Variants in PDE10A observed in about 807,000 individuals in gnomAD.
PDE10A encodes the protein cAMP and cAMP-inhibited cGMP 3',5'-cyclic phosphodiesterase 10A.
Under a neutral mutation model 97.7 loss-of-function variants are expected in PDE10A, and 39 were observed. The ratio of observed to expected loss-of-function variants is 0.40; its 90% confidence interval spans 0.31 to 0.52. The LOEUF (loss-of-function observed/expected upper bound fraction) is 0.52. Ranked by LOEUF, PDE10A falls within the 20% of genes least tolerant of loss-of-function variation. The pLI, the probability that PDE10A is intolerant of heterozygous loss-of-function variation, is 0.56. For synonymous variants in PDE10A, 371 were observed against 376.8 expected, an observed-to-expected ratio of 0.98 and a Z score of 0.18; for missense variants, 731 against 1,047.8, an observed-to-expected ratio of 0.70 and a Z score of 4.17.
At chr6:165,787,201 T>TAAAC (rs1282499055) in intron 1 of PDE10A, among the ~76,000 whole-genome samples, 1 of 152,080 alleles carries the variant, frequency 6.6e-6, no homozygotes, top group Non-Finnish European at 1.5e-5. Context: ...AAGTTACTGA[T>TAAAC]AAACAGCCAT....
At chr6:165,430,567 CATT>C (rs1302867920) in intron 8 of PDE10A, among the ~76,000 whole-genome samples, 2 of 151,988 alleles carry the variant, frequency 1.3e-5, no homozygotes, top group African/African-American at 4.8e-5. Context: ...CACCACAAAA[CATT>C]ATAGGTTTGG....
chr6:165,439,242 A>C (rs577433534), intron 5 of PDE10A, among the ~76,000 whole-genome samples: 1 of 152,192 alleles, frequency 6.6e-6, no homozygotes, highest in East Asian at 1.9e-4. Flanking sequence ...TATGTTTACA[A>C]TATCAAATTT....
chr6:165,386,412 C>T (rs1785304877), intron 17 of PDE10A, among the ~76,000 whole-genome samples: 1 of 152,152 alleles, frequency 6.6e-6, no homozygotes, highest in South Asian at 2.1e-4. Flanking sequence ...TATTAAAATT[C>T]AGCTGTGATT....
At chr6:165,735,496 G>A (rs768883348) in intron 1 of PDE10A, among the ~76,000 whole-genome samples, 3 of 152,048 alleles carry the variant, frequency 2.0e-5, no homozygotes, top group Admixed American at 6.6e-5. Flanking sequence ...GTAGATGAAG[G>A]TATTTATTAT....
At chr6:165,752,899 A>T (rs1230527407) in intron 1 of PDE10A, among the ~76,000 whole-genome samples, 21 of 152,234 alleles carry the variant, frequency 1.4e-4, no homozygotes, top group Non-Finnish European at 1.5e-5. Flanking sequence ...CGACGTATGA[A>T]TTACATTTAC....
At position 165,609,727 on chromosome 6, in the gene PDE10A, G is replaced by A. The variant is rs546437619; in HGVS notation, c.865+52220C>T. 1.2e-3 allele frequency among the ~76,000 whole-genome samples: 184 copies of A among 152,190 alleles called. 1 individual carries two copies. The highest frequency in any genetic ancestry group is 4.2e-3 in the African/African-American group (175 of 41,526). ...TATACACCAATAACAGACAAACAGA[G>A]AGCCAAATCATGAGTGAACTCCCAT... On this transcript the variant is annotated intron_variant, in intron 1 of 21. Transcript: ENST00000539869.
At chr6:165,857,698 CGTGTGTGTGT>C (rs775208021) in intron 1 of PDE10A, among the ~76,000 whole-genome samples, 36 of 123,446 alleles carry the variant, frequency 2.9e-4, no homozygotes, top group Non-Finnish European at 4.6e-4. Context: ...TCAACAGTTC[CGTGTGTGTGT>C]GTGTGTGTGT....
intron 1 of PDE10A, among the ~76,000 whole-genome samples, chr6:165,689,713 G>C (rs758648842): frequency 4.6e-5 from 7 of 152,164 alleles, no homozygotes; most frequent in Non-Finnish European, 8.8e-5. Flanking sequence ...CTGGTGCCAG[G>C]CTTCTTGTAC....
At chr6:165,407,177 T>A (rs1787253691) in intron 13 of PDE10A, among the ~76,000 whole-genome samples, 1 of 152,076 alleles carries the variant, frequency 6.6e-6, no homozygotes, top group Admixed American at 6.5e-5. Flanking sequence ...TGCACCCTAA[T>A]CCATATTTTA....
chr6:165,856,321 CCT>C (rs1470726596), intron 1 of PDE10A, among the ~76,000 whole-genome samples: 1 of 152,216 alleles, frequency 6.6e-6, no homozygotes, highest in Non-Finnish European at 1.5e-5. Flanking sequence ...CGCACCACCC[CCT>C]GCCTGACTCT....
At chr6:165,648,525 C>T (rs1209999742) in intron 1 of PDE10A, among the ~76,000 whole-genome samples, 1 of 152,118 alleles carries the variant, frequency 6.6e-6, no homozygotes, top group Non-Finnish European at 1.5e-5. Flanking sequence ...GTTTAGGTCA[C>T]CCCCAAACCT....
At chr6:165,801,060 A>G (rs1379542008) in intron 1 of PDE10A, among the ~76,000 whole-genome samples, 1 of 152,208 alleles carries the variant, frequency 6.6e-6, no homozygotes, top group Non-Finnish European at 1.5e-5. Flanking sequence ...CTTATAAACT[A>G]CTTGGGATCA....
intron 1 of PDE10A, among the ~76,000 whole-genome samples, chr6:165,691,591 G>GCACACACA (rs965998795): frequency 0.013 from 651 of 51,654 alleles, 4 homozygotes; most frequent in East Asian, 0.043. Context: ...GCACGCGCGC[G>GCACACACA]CACACACACA....
intron 1 of PDE10A, among the ~76,000 whole-genome samples, chr6:165,583,005 G>A (rs1050527914): frequency 5.9e-5 from 9 of 152,086 alleles, no homozygotes; most frequent in African/African-American, 2.2e-4. Context: ...CCAAGTACCG[G>A]CCTCCACAGC....
At chr6:165,772,011 C>CA (rs1317842401) in intron 1 of PDE10A, among the ~76,000 whole-genome samples, 1 of 152,126 alleles carries the variant, frequency 6.6e-6, no homozygotes, top group Non-Finnish European at 1.5e-5. Context: ...ACCTGAAGGT[C>CA]AGTCTTTTCA....
intron 3 of PDE10A, among the ~76,000 whole-genome samples, chr6:165,472,571 G>A (rs1779076801): frequency 6.6e-6 from 1 of 151,822 alleles, no homozygotes; most frequent in Admixed American, 6.6e-5. Flanking sequence ...ATCTTATTCT[G>A]GCTATATCTC....
intron 2 of PDE10A, among the ~76,000 whole-genome samples, chr6:165,511,633 A>C (rs1781515875): frequency 6.6e-6 from 1 of 151,858 alleles, no homozygotes; most frequent in Non-Finnish European, 1.5e-5. Context: ...CCCCACTCTC[A>C]TTGTATTGGA....
intron 1 of PDE10A, among the ~76,000 whole-genome samples, chr6:165,844,516 C>T (rs1780353986): frequency 6.6e-6 from 1 of 152,182 alleles, no homozygotes; most frequent in South Asian, 2.1e-4. Flanking sequence ...CAGTACTTAA[C>T]ACCCTCTAAT....
intron 1 of PDE10A, among the ~76,000 whole-genome samples, chr6:165,635,121 G>A (rs1017918001): frequency 3.3e-5 from 5 of 152,210 alleles, no homozygotes; most frequent in African/African-American, 9.6e-5. Context: ...ACTCCTAGTA[G>A]CAGTCACTTC....
Sources: allele counts gnomAD v4.1 joint callset (sites outside exome capture counted in the v4.1 genomes callset), GRCh38; gene constraint gnomAD v4.1.1; transcripts MANE v1.5; gene names NCBI Gene and HGNC (gene_info 2026-07-23, HGNC 2026-07-21).